Variants in TENM3 observed in about 807,000 individuals in gnomAD.
The protein encoded by TENM3 is teneurin-3.
A neutral mutation model predicts 255.1 loss-of-function variants in TENM3; 63 were observed. The observed-to-expected ratio is 0.25, with a 90% CI of 0.20 to 0.30. The LOEUF (loss-of-function observed/expected upper bound fraction) is 0.30, where lower values mean the gene tolerates loss of function less well. TENM3 is among the 10% of genes least tolerant of loss of function. The probability of loss-of-function intolerance (pLI) is 1.00; values close to 1 mark genes in which losing one functional copy is unlikely to be tolerated. For synonymous variants in TENM3, 1,306 were observed against 1,322.3 expected (o/e 0.99, Z 0.27); for missense variants, 2,929 against 3,461.1 (o/e 0.85, Z 3.86).
chr4:181,823,691 C>A, the TENM3 span, among the ~76,000 whole-genome samples: 5 of 152,218 alleles, frequency 3.3e-5, no homozygotes, highest in Admixed American at 2.6e-4. Context: ...TTGATAGTAA[C>A]CCCTGGGGAA....
At chr4:182,689,645 C>T (rs989896962) in intron 12 of TENM3, among the ~76,000 whole-genome samples, 16 of 152,168 alleles carry the variant, frequency 1.1e-4, no homozygotes, top group African/African-American at 3.6e-4. Flanking sequence ...TCCTTCTCTC[C>T]CACTAGGAGA....
the TENM3 span, among the ~76,000 whole-genome samples, chr4:181,742,597 T>C: frequency 1.3e-5 from 2 of 152,164 alleles, no homozygotes; most frequent in African/African-American, 4.8e-5. Flanking sequence ...ATGTGTGGTA[T>C]GGTGATAAGT....
chr4:181,839,126 A>C, the TENM3 span, among the ~76,000 whole-genome samples: 5 of 151,048 alleles, frequency 3.3e-5, no homozygotes, highest in African/African-American at 1.2e-4. Flanking sequence ...TTTTTTGACT[A>C]TGAGTAATTT....
At chr4:181,474,729 C>T in the TENM3 span, among the ~76,000 whole-genome samples, 6 of 117,698 alleles carry the variant, frequency 5.1e-5, no homozygotes, top group South Asian at 5.9e-4. Flanking sequence ...TGTGAGACTC[C>T]GTCTCAAAAC....
chr4:182,224,297 G>C (rs1747244642), intron 1 of TENM3, among the ~76,000 whole-genome samples: 2 of 152,116 alleles, frequency 1.3e-5, no homozygotes, highest in Admixed American at 1.3e-4. Flanking sequence ...GGAAATCCTG[G>C]CTTTGCTAAT....
chr4:182,569,452 G>A (rs1333094026), intron 3 of TENM3, among the ~76,000 whole-genome samples: 2 of 152,010 alleles, frequency 1.3e-5, no homozygotes, highest in Non-Finnish European at 2.9e-5. Flanking sequence ...TACTCGGGAG[G>A]CTGAGGCAGG....
the TENM3 span, among the ~76,000 whole-genome samples, chr4:181,448,660 C>A: frequency 6.6e-6 from 1 of 152,256 alleles, no homozygotes; most frequent in East Asian, 1.9e-4. Flanking sequence ...GATATTGGCT[C>A]TGTTGATGAG....
At chr4:182,128,485 C>T in the TENM3 span, among the ~76,000 whole-genome samples, 4 of 152,106 alleles carry the variant, frequency 2.6e-5, no homozygotes, top group African/African-American at 9.7e-5. Context: ...GGATTACAGG[C>T]TTCAGCCACC....
chr4:181,684,259 GC>G, the TENM3 span, among the ~76,000 whole-genome samples: 16 of 152,152 alleles, frequency 1.1e-4, no homozygotes, highest in Non-Finnish European at 1.8e-4. Context: ...AAGGCCGAAA[GC>G]CCTAATTTTT....
At position 182,777,545 on chromosome 4, in the gene TENM3, T is replaced by TG. The variant is rs1273276930; in HGVS notation, c.5304+2392_5304+2393insG. The stretch of plus-strand genomic sequence containing the variant: ...TGTGTGTGTGTGTGTGTGTGTGTAT[T>TG]TCTTTTTTTTTTTTTTTTTTTTTTT... On this transcript the variant is annotated intron_variant, in intron 24 of 27. Transcript: ENST00000511685. Among the ~76,000 whole-genome samples, 9 of 88,602 alleles carry TG rather than the reference T, an allele frequency of 1.0e-4. No homozygotes were observed. The South Asian group carries it at 1.3e-3, about 13-fold the overall frequency. The allele number at this position is 88,602 out of a possible 152,430, so 58.1% of individuals were successfully genotyped here.
At chr4:182,534,972 T>C (rs752176829) in intron 3 of TENM3, among the ~76,000 whole-genome samples, 2 of 152,236 alleles carry the variant, frequency 1.3e-5, no homozygotes, top group Non-Finnish European at 2.9e-5. Context: ...TGAAACTTGG[T>C]GGATGGTTTT....
At chr4:182,255,030 G>A (rs1461099266) in intron 1 of TENM3, among the ~76,000 whole-genome samples, 1 of 152,176 alleles carries the variant, frequency 6.6e-6, no homozygotes, top group Non-Finnish European at 1.5e-5. Context: ...TTTAACGAAA[G>A]ACTGGTACTT....
At chr4:181,599,789 C>T in the TENM3 span, among the ~76,000 whole-genome samples, 1 of 151,848 alleles carries the variant, frequency 6.6e-6, no homozygotes, top group Non-Finnish European at 1.5e-5. Flanking sequence ...ATAATACTTG[C>T]TTCATCTCTA....
At chr4:182,372,408 G>A (rs931752771) in intron 3 of TENM3, among the ~76,000 whole-genome samples, 19 of 151,852 alleles carry the variant, frequency 1.3e-4, no homozygotes, top group Non-Finnish European at 2.5e-4. Flanking sequence ...AAAAATACTC[G>A]ACAGTGCAGT....
At chr4:182,164,725 A>G (rs1420547383) in intron 1 of TENM3, among the ~76,000 whole-genome samples, 2 of 152,218 alleles carry the variant, frequency 1.3e-5, no homozygotes, top group East Asian at 3.9e-4. Context: ...GTTGCGTGAC[A>G]TAGCACCTCA....
chr4:182,760,835 A>T (rs1229040442), intron 22 of TENM3, among the ~76,000 whole-genome samples: 2 of 152,200 alleles, frequency 1.3e-5, no homozygotes, highest in Admixed American at 6.5e-5. Context: ...CTCATGCTGT[A>T]GGAGTGCCTC....
At chr4:181,630,537 T>G in the TENM3 span, among the ~76,000 whole-genome samples, 1 of 152,210 alleles carries the variant, frequency 6.6e-6, no homozygotes, top group Non-Finnish European at 1.5e-5. Flanking sequence ...TGGTATGTTG[T>G]GTCTTTGTTC....
the TENM3 span, among the ~76,000 whole-genome samples, chr4:181,801,651 AATATAT>A: frequency 7.6e-3 from 610 of 80,770 alleles, 4 homozygotes; most frequent in African/African-American, 0.02. Context: ...AGAATTGTAA[AATATAT>A]ATATATATAT....
chr4:181,813,542 G>A, the TENM3 span, among the ~76,000 whole-genome samples: 7 of 152,270 alleles, frequency 4.6e-5, no homozygotes, highest in Non-Finnish European at 5.9e-5. Context: ...CCCAGATCCA[G>A]CATACACAAA....
Sources: allele counts gnomAD v4.1 joint callset (sites outside exome capture counted in the v4.1 genomes callset), GRCh38; gene constraint gnomAD v4.1.1; transcripts MANE v1.5; gene names NCBI Gene and HGNC (gene_info 2026-07-23, HGNC 2026-07-21).